The following REDIC1 variants were observed in gnomAD, a reference collection of about 807,000 sequenced individuals.
The protein encoded by REDIC1 is regulator of DNA class I crossover intermediates 1.
chr12:39,843,364 A>G, the REDIC1 span, among the ~76,000 whole-genome samples: 1 of 152,056 alleles, frequency 6.6e-6, no homozygotes, highest in Admixed American at 6.6e-5. Context: ...AGACAAGCCT[A>G]TCTGTCATTA....
the REDIC1 span, among the ~76,000 whole-genome samples, chr12:39,825,150 T>C: frequency 6.6e-6 from 1 of 152,180 alleles, no homozygotes; most frequent in Non-Finnish European, 1.5e-5. Context: ...AAGTGCTGTA[T>C]TATAGGAAAC....
At chr12:39,636,599 A>T in the REDIC1 span, among the ~76,000 whole-genome samples, 5 of 152,032 alleles carry the variant, frequency 3.3e-5, no homozygotes, top group Admixed American at 6.6e-5. Context: ...TCATTTGCTA[A>T]TTATTGGGCT....
chr12:39,822,094 A>G, the REDIC1 span, among the ~76,000 whole-genome samples: 2 of 107,654 alleles, frequency 1.9e-5, no homozygotes, highest in African/African-American at 3.7e-5. Flanking sequence ...AACAGTCCCC[A>G]GAGTGTGATG....
the REDIC1 span, among the ~76,000 whole-genome samples, chr12:39,883,011 G>T: frequency 6.6e-6 from 1 of 152,074 alleles, no homozygotes; most frequent in Non-Finnish European, 1.5e-5. Context: ...TTATTTACAT[G>T]AATGAATGGG....
chr12:39,763,405 A>T, the REDIC1 span, among the ~76,000 whole-genome samples: 1 of 152,222 alleles, frequency 6.6e-6, no homozygotes, highest in East Asian at 1.9e-4. Context: ...CATATTCACC[A>T]TTCATCTGCA....
At chr12:39,732,080 A>T in the REDIC1 span, among the ~76,000 whole-genome samples, 7 of 152,138 alleles carry the variant, frequency 4.6e-5, no homozygotes, top group Non-Finnish European at 1.0e-4. Flanking sequence ...ACTTCCTTGC[A>T]TATCTTTACA....
chr12:39,713,378 ATATG>A, the REDIC1 span, among the ~76,000 whole-genome samples: 148 of 137,566 alleles, frequency 1.1e-3, 2 homozygotes, highest in African/African-American at 2.0e-3. Flanking sequence ...ACACATATAC[ATATG>A]TATGTGTGTA....
At chr12:39,704,477 C>T in the REDIC1 span, among the ~76,000 whole-genome samples, 3 of 152,248 alleles carry the variant, frequency 2.0e-5, no homozygotes, top group Admixed American at 6.5e-5. Context: ...GTTGGTGGGA[C>T]TGTAAACTAG....
chr12:39,762,848 A>T, the REDIC1 span, among the ~76,000 whole-genome samples: 1 of 152,056 alleles, frequency 6.6e-6, no homozygotes, highest in Non-Finnish European at 1.5e-5. Context: ...ATGCAAAGCA[A>T]CACACTTTTA....
the REDIC1 span, among the ~76,000 whole-genome samples, chr12:39,634,126 C>A: frequency 6.6e-6 from 1 of 152,220 alleles, no homozygotes; most frequent in East Asian, 1.9e-4. Flanking sequence ...GTTTGTAGTT[C>A]TCCTTGAAGA....
the REDIC1 span, among the ~76,000 whole-genome samples, chr12:39,703,403 A>T: frequency 1.3e-5 from 2 of 149,866 alleles, no homozygotes; most frequent in East Asian, 1.9e-4. Flanking sequence ...CTTCAAGGTG[A>T]ACTACAAACC....
At chr12:39,634,039 A>G in the REDIC1 span, among the ~76,000 whole-genome samples, 1 of 152,116 alleles carries the variant, frequency 6.6e-6, no homozygotes, top group Non-Finnish European at 1.5e-5. Context: ...CCATTTTCAC[A>G]TTATTGATTC....
At chr12:39,896,721 G>GTA in the REDIC1 span, among the ~76,000 whole-genome samples, 1 of 151,816 alleles carries the variant, frequency 6.6e-6, no homozygotes, top group African/African-American at 2.4e-5. Context: ...GTATTTTATA[G>GTA]TATACCCTAA....
chr12:39,884,815 G>A, the REDIC1 span, among the ~76,000 whole-genome samples: 1 of 152,136 alleles, frequency 6.6e-6, no homozygotes, highest in Non-Finnish European at 1.5e-5. Context: ...CATGTCCCAA[G>A]ATTGAAAACA....
At chr12:39,712,933 G>A in the REDIC1 span, among the ~76,000 whole-genome samples, 3 of 145,608 alleles carry the variant, frequency 2.1e-5, no homozygotes, top group African/African-American at 7.5e-5. Context: ...GCATATACGT[G>A]TATATACGTG....
the REDIC1 span, among the ~76,000 whole-genome samples, chr12:39,706,683 A>G: frequency 1.3e-5 from 2 of 152,174 alleles, no homozygotes; most frequent in Admixed American, 1.3e-4. Context: ...AACAGAATAG[A>G]GAACCCAGAA....
the REDIC1 span, among the ~76,000 whole-genome samples, chr12:39,838,894 G>C: frequency 2.6e-5 from 4 of 152,188 alleles, no homozygotes; most frequent in Middle Eastern, 3.4e-3. Context: ...GGAGCACTAA[G>C]AACAGTGTTT....
the REDIC1 span, among the ~76,000 whole-genome samples, chr12:39,655,281 G>A: frequency 4.0e-5 from 6 of 151,848 alleles, no homozygotes; most frequent in East Asian, 1.9e-4. Context: ...TAGGTTGCCC[G>A]TCTTTTTCTA....
the REDIC1 span, among the ~76,000 whole-genome samples, chr12:39,778,666 T>C: frequency 6.6e-6 from 1 of 152,222 alleles, no homozygotes; most frequent in Non-Finnish European, 1.5e-5. Flanking sequence ...ATAGACTCTA[T>C]TGAACTCATT....
Sources: gnomAD v4.1 joint callset for allele counts (sites outside exome capture counted in the v4.1 genomes callset) on GRCh38, gnomAD v4.1.1 for gene constraint, MANE v1.5 for transcripts, NCBI Gene and HGNC (gene_info 2026-07-23, HGNC 2026-07-21) for gene names.